Variants in CEP250 observed in about 807,000 individuals in gnomAD.
The protein encoded by CEP250 is centrosome-associated protein CEP250.
Under a neutral mutation model 315.7 loss-of-function variants are expected in CEP250, and 242 were observed. The ratio of observed to expected loss-of-function variants is 0.77; its 90% CI spans 0.69 to 0.85. The LOEUF (loss-of-function observed/expected upper bound fraction) is 0.85, where lower values mean the gene tolerates loss of function less well. CEP250 is among the 40% of genes least tolerant of loss of function. The pLI, the probability that CEP250 is intolerant of heterozygous loss-of-function variation, is 0.00. For synonymous variants in CEP250, 1,088 were observed against 1,175.0 expected, an observed-to-expected ratio of 0.93 and a Z score of 1.51; for missense variants, 2,515 against 2,886.4, an observed-to-expected ratio of 0.87 and a Z score of 2.95.
At chr20:35,458,790 T>C (rs1463260331) in intron 2 of CEP250, among the ~76,000 whole-genome samples, 1 of 152,172 alleles carries the variant, frequency 6.6e-6, no homozygotes, top group East Asian at 1.9e-4. Context: ...ATTCTTGTTT[T>C]AATAAATTTT....
intron 1 of CEP250, among the ~76,000 whole-genome samples, chr20:35,457,071 C>T (rs1441974365): frequency 6.6e-6 from 1 of 152,106 alleles, no homozygotes; most frequent in East Asian, 1.9e-4. Flanking sequence ...TGTGAGCCAC[C>T]ACACCCAGCC....
intron 15 of CEP250, chr20:35,476,125 G>C (rs758694575): frequency 4.1e-6 from 1 of 244,050 alleles, no homozygotes; most frequent in Non-Finnish European, 8.0e-6. Flanking sequence ...CAACTTAATC[G>C]TCAACTCCTC....
At position 35,497,754 on chromosome 20, in the gene CEP250, G is replaced by A. The variant is rs2063881899; in HGVS notation, c.3342G>A (p.Glu1114=). 6.4e-7 allele frequency: 1 copy of A among 1,559,344 alleles called. No homozygotes were observed. Among genetic ancestry groups the A allele is most frequent in the Non-Finnish European group, 8.7e-7 (1 of 1,150,788 alleles). Residue 1114 remains glutamate (E), a synonymous_variant, in exon 26 of 35, where the codon GAG becomes GAA. Transcript: ENST00000397527. The part of the protein sequence containing the change: ...ELLRQEVKEK[E]ADFLAQEAQL... ...TAAGGCAAGAGGTGAAGGAAAAGGA[G>A]GCTGACTTTCTGGCCCAGGAAGCAC...
At chr20:35,508,893 C>A (rs2064273107) in intron 32 of CEP250, 50 bp from the exon 33 acceptor site, 3 of 1,469,000 alleles carry the variant, frequency 2.0e-6, no homozygotes, top group South Asian at 2.4e-5. Flanking sequence ...CAGCTCTGCT[C>A]CAACCACAGA....
Position 35,498,513 on chromosome 20 carries a change from A to G in CEP250, c.3656-82A>G, listed in dbSNP as rs933139585. On this transcript the variant is annotated intron_variant, in intron 26 of 34. Transcript: ENST00000397527. ...TTGCGGAGAGGAGGGACCAGTTGGA[A>G]GGACAGGGCTGTGTCTGGAGAGGTC... 14 of 1,534,374 alleles carry G rather than the reference A, an allele frequency of 9.1e-6. No individual in the cohort carries two copies. In the African/African-American group the frequency reaches 1.8e-4, roughly 20 times the overall value.
chr20:35,502,070 G>A (rs1321253463), intron 29 of CEP250, 104 bp downstream of exon 29: 1 of 1,349,486 alleles, frequency 7.4e-7, no homozygotes, highest in Non-Finnish European at 1.0e-6. Context: ...AAGTCTGTCA[G>A]TTCCTCTGGC....
intron 10 of CEP250, 78 bp from the exon 11 acceptor site, chr20:35,471,970 CTT>C: frequency 4.8e-6 from 4 of 833,896 alleles, no homozygotes; most frequent in African/African-American, 3.4e-5. Context: ...CAGAATGAGA[CTT>C]TGGTTGTTTG....
chr20:35,519,129 G>A lies in CEP250; in HGVS notation c.*7503G>A, dbSNP rs2064457419. On this transcript the variant is annotated 3_prime_UTR_variant, in exon 35 of 35. Coordinates refer to ENST00000397527, the MANE Select transcript of CEP250 (RefSeq NM_007186.6). Reference sequence around the variant, plus strand: ...TATGGCTGTTCAGATGACAGAGGGAGAAAATGTACTTTGTAAACTGTTAGT... The same window carrying A: ...TATGGCTGTTCAGATGACAGAGGGAAAAAATGTACTTTGTAAACTGTTAGT... 6.6e-6 allele frequency: 1 copy of A among 152,048 alleles called. No homozygotes were observed. Among genetic ancestry groups the A allele is most frequent in the Non-Finnish European group, 1.5e-5 (1 of 68,026 alleles). The allele number at this position is 152,048 out of a possible 1,614,324, so 9.4% of individuals were successfully genotyped here. A position where few individuals can be genotyped will look rare whatever the true frequency, so the allele number is the denominator to read the frequency against.
Position 35,491,354 on chromosome 20 carries a change from GGGTGGTCTC to G in CEP250, c.2889+11_2889+19del, listed in dbSNP as rs1205987559. 3.2e-6 allele frequency: 5 copies of G among 1,579,100 alleles called. No homozygotes were observed. The highest frequency in any genetic ancestry group is 3.4e-6 in the Non-Finnish European group (4 of 1,162,362). On this transcript the variant is annotated intron_variant, in intron 22 of 34. Transcript: ENST00000397527. Reference sequence around the variant, plus strand: ...CAGAAATTAAAGGAGCAGGTATGGAGGGTGGTCTCGGGAGTAGGGGAGAAAGGGGCACTC... The same window carrying G: ...CAGAAATTAAAGGAGCAGGTATGGAGGGGAGTAGGGGAGAAAGGGGCACTC...
Position 35,511,625 on chromosome 20 carries a change from A to C in CEP250, c.7328A>C (p.Ter2443SerextTer33), listed in dbSNP as rs770612643. The C allele has an allele frequency of 6.2e-7, 1 of 1,607,128 alleles. No homozygotes were observed. Among genetic ancestry groups the C allele is most frequent in the South Asian group, 1.1e-5 (1 of 90,538 alleles). ...SPSTTQAASR* is the reference protein window; with the variant it reads ...SPSTTQAASRS ...AGCACTACCCAAGCCGCCTCCAGGT[A>C]GCAGCCACAGCCAGGAGCACACAGA... Residue 2443 changes from the stop codon to serine (S), a stop_lost, in exon 35 of 35, where the codon TAG becomes TCG. Coordinates refer to ENST00000397527, the MANE Select transcript of CEP250 (RefSeq NM_007186.6).
intron 4 of CEP250, 49 bp downstream of exon 4, chr20:35,462,602 C>G: frequency 4.7e-6 from 7 of 1,496,478 alleles, no homozygotes; most frequent in Non-Finnish European, 6.3e-6. Flanking sequence ...ACCCCCAGAG[C>G]TAGGTGCTGA....
intron 14 of CEP250, among the ~76,000 whole-genome samples, chr20:35,474,484 G>A (rs1043246087): frequency 6.6e-6 from 1 of 152,184 alleles, no homozygotes. Context: ...TTACCTATTT[G>A]GTTAGCAGAG....
rs115152361 is a variant in CEP250 at position 35,493,388 on chromosome 20, C to T, written c.2890-41C>T. ...ACCAAAAAAACCAGTATTTCTATGA[C>T]ACAGATTTCCTCTACTCAATGATTT... On this transcript the variant is annotated intron_variant, in intron 22 of 34. Transcript: ENST00000397527. The T allele has an allele frequency of 2.2e-3, 3,232 of 1,478,918 alleles. 40 individuals are homozygous for T. In the African/African-American group the frequency reaches 0.039, roughly 18 times the overall value. 91.6% of individuals were successfully genotyped at this position (1,478,918 alleles called of 1,614,324 possible).
intron 33 of CEP250, among the ~76,000 whole-genome samples, 176 bp downstream of exon 33, chr20:35,509,220 G>A (rs1390656864): frequency 6.6e-6 from 1 of 152,178 alleles, no homozygotes; most frequent in Non-Finnish European, 1.5e-5. Context: ...TGAGAAGGAG[G>A]CCCAACATTG....
Position 35,517,902 on chromosome 20 carries a change from C to CA in CEP250, c.*6277dup, listed in dbSNP as rs1323447902. The CA allele has an allele frequency of 1.3e-5, 2 of 148,418 alleles. No homozygotes were observed. Among genetic ancestry groups the CA allele is most frequent in the Non-Finnish European group, 3.0e-5 (2 of 67,352 alleles). 9.2% of individuals were successfully genotyped at this position (148,418 alleles called of 1,614,324 possible). On this transcript the variant is annotated 3_prime_UTR_variant, in exon 35 of 35. Coordinates refer to ENST00000397527, the MANE Select transcript of CEP250 (RefSeq NM_007186.6). ...AAGCGAAAAAATATAAAAATTAGCT[C>CA]AGTGTGATGATGTGCCTGTAGTCCC...
Position 35,501,887 on chromosome 20 carries a change from A to C in CEP250, c.3941A>C (p.Glu1314Ala). 1 of 1,613,564 alleles carries C rather than the reference A, an allele frequency of 6.2e-7. No individual in the cohort carries two copies. Residue 1314 changes from glutamate (E) to alanine (A), a missense_variant, in exon 29 of 35, where the codon GAG becomes GCG. By Grantham distance (107) the Glu-to-Ala change is moderately radical. Transcript: ENST00000397527. ...GGAAAGCAGAACTCCCTAGAATCTGAGCTGATGGAACTACATGAAACTATG... is the reference window on the plus strand; with the variant it reads ...GGAAAGCAGAACTCCCTAGAATCTGCGCTGATGGAACTACATGAAACTATG... ...WEGKQNSLES[E>A]LMELHETMAS...
chr20:35,495,194 G>A (rs181250567), intron 24 of CEP250, among the ~76,000 whole-genome samples: 1 of 152,326 alleles, frequency 6.6e-6, no homozygotes, highest in African/African-American at 2.4e-5. Flanking sequence ...CTGAAAGAGT[G>A]GTTGGAGCCT....
intron 16 of CEP250, among the ~76,000 whole-genome samples, chr20:35,477,388 C>T (rs917736470): frequency 3.2e-4 from 48 of 152,144 alleles, no homozygotes; most frequent in African/African-American, 1.1e-3. Context: ...CTCCTGGCCT[C>T]AGGTGATCCA....
Position 35,503,222 on chromosome 20 carries a change from G to A in CEP250, c.4853G>A (p.Ser1618Asn). The change falls in exon 30 of 35, where the codon AGC becomes AAC. Residue 1618 changes from serine to asparagine, a missense_variant. Ser to Asn is a conservative substitution (Grantham distance 46). Coordinates refer to ENST00000397527, the MANE Select transcript of CEP250 (RefSeq NM_007186.6). This position sits in a 1 kb window ranked among gnomAD's most constrained non-coding sequence, Gnocchi z 4.2. ...SSQIHDLESH[S>N]TVLARELQER... Reference sequence around the variant, plus strand: ...CAGATCCATGACCTGGAGAGCCACAGCACCGTTCTGGCAAGAGAGCTGCAG... The same window carrying A: ...CAGATCCATGACCTGGAGAGCCACAACACCGTTCTGGCAAGAGAGCTGCAG... 6.2e-7 allele frequency: 1 copy of A among 1,614,188 alleles called. No individual in the cohort carries two copies. Among genetic ancestry groups the A allele is most frequent in the South Asian group, 1.1e-5 (1 of 91,082 alleles).
Sources: gnomAD v4.1 joint callset for allele counts (sites outside exome capture counted in the v4.1 genomes callset) on GRCh38, gnomAD v4.1.1 for gene constraint, Gnocchi (gnomAD v3.1) non-coding constraint, MANE v1.5 for transcripts, NCBI Gene and HGNC (gene_info 2026-07-23, HGNC 2026-07-21) for gene names.